Variants in ARB2A observed in about 807,000 individuals in gnomAD.
ARB2A encodes the protein cotranscriptional regulator ARB2A.
the ARB2A span, among the ~76,000 whole-genome samples, chr5:93,903,830 C>T: frequency 6.6e-6 from 1 of 151,790 alleles, no homozygotes; most frequent in Non-Finnish European, 1.5e-5. Flanking sequence ...AATGACTTCA[C>T]ATGAGTTGGT....
chr5:93,734,599 A>C, the ARB2A span: 1 of 152,220 alleles, frequency 6.6e-6, no homozygotes, highest in Non-Finnish European at 1.5e-5. Context: ...AAAATGTTTG[A>C]TAATGAAACA....
At chr5:94,075,941 T>A in the ARB2A span, among the ~76,000 whole-genome samples, 1 of 152,138 alleles carries the variant, frequency 6.6e-6, no homozygotes, top group African/African-American at 2.4e-5. Flanking sequence ...TTATTTAACT[T>A]CTCTGGGCCT....
At chr5:93,776,395 G>T in the ARB2A span, 1 of 543,222 alleles carries the variant, frequency 1.8e-6, no homozygotes, top group Non-Finnish European at 3.2e-6. Context: ...GTAAACAGTC[G>T]GTAATTATTC....
chr5:94,080,188 T>A, the ARB2A span, among the ~76,000 whole-genome samples: 1 of 152,114 alleles, frequency 6.6e-6, no homozygotes, highest in African/African-American at 2.4e-5. Flanking sequence ...AAACAGAGTA[T>A]GTCAAACAAA....
chr5:93,715,988 T>C, the ARB2A span, among the ~76,000 whole-genome samples: 1 of 152,212 alleles, frequency 6.6e-6, no homozygotes, highest in African/African-American at 2.4e-5. Context: ...TTTATAAACA[T>C]GATAGGTAAC....
At chr5:93,621,178 C>CGCGGTGAGG in the ARB2A span, 2 of 1,534,344 alleles carry the variant, frequency 1.3e-6, no homozygotes, top group East Asian at 2.6e-5. Context: ...CGGGGCCAGG[C>CGCGGTGAGG]GCGGTGAGGG....
chr5:93,888,810 A>G, the ARB2A span, among the ~76,000 whole-genome samples: 1 of 151,728 alleles, frequency 6.6e-6, no homozygotes, highest in Non-Finnish European at 1.5e-5. Flanking sequence ...TTGTTTTTTC[A>G]AGAATATATC....
chr5:94,062,277 G>C, the ARB2A span, among the ~76,000 whole-genome samples: 5 of 152,186 alleles, frequency 3.3e-5, no homozygotes, highest in Non-Finnish European at 7.3e-5. Flanking sequence ...AAATGAGGGG[G>C]AGGTGCTTCA....
the ARB2A span, among the ~76,000 whole-genome samples, chr5:94,080,188 T>C: frequency 6.6e-6 from 1 of 152,232 alleles, no homozygotes; most frequent in Non-Finnish European, 1.5e-5. Context: ...AAACAGAGTA[T>C]GTCAAACAAA....
At chr5:93,858,574 C>A in the ARB2A span, among the ~76,000 whole-genome samples, 1 of 152,170 alleles carries the variant, frequency 6.6e-6, no homozygotes, top group Non-Finnish European at 1.5e-5. Flanking sequence ...ATTGGCATAT[C>A]CTGCCATTCG....
the ARB2A span, among the ~76,000 whole-genome samples, chr5:94,012,023 G>C: frequency 1.3e-5 from 2 of 150,598 alleles, no homozygotes; most frequent in Non-Finnish European, 3.0e-5. Context: ...AGACTAGTGT[G>C]ACATGACAGC....
the ARB2A span, among the ~76,000 whole-genome samples, chr5:93,665,242 T>C: frequency 6.6e-6 from 1 of 152,236 alleles, no homozygotes; most frequent in Non-Finnish European, 1.5e-5. Flanking sequence ...GAAATCACAA[T>C]TTACTTCTTT....
At chr5:93,676,382 T>C in the ARB2A span, among the ~76,000 whole-genome samples, 1 of 152,330 alleles carries the variant, frequency 6.6e-6, no homozygotes, top group Admixed American at 6.5e-5. Flanking sequence ...TTTACAAACA[T>C]ATATTAGGGA....
chr5:93,756,829 C>A, the ARB2A span, among the ~76,000 whole-genome samples: 5 of 152,092 alleles, frequency 3.3e-5, no homozygotes, highest in South Asian at 1.0e-3. Context: ...AACACCCCCC[C>A]AAAAAATCAC....
the ARB2A span, among the ~76,000 whole-genome samples, chr5:93,780,809 T>C: frequency 6.6e-6 from 1 of 152,182 alleles, no homozygotes; most frequent in Non-Finnish European, 1.5e-5. Flanking sequence ...TCCACCTGCC[T>C]TGGCCTCCCA....
At chr5:93,759,341 T>C in the ARB2A span, among the ~76,000 whole-genome samples, 1 of 152,164 alleles carries the variant, frequency 6.6e-6, no homozygotes, top group African/African-American at 2.4e-5. Context: ...GTACCAATCC[T>C]TTTGACACTA....
chr5:93,768,725 C>T, the ARB2A span, among the ~76,000 whole-genome samples: 1 of 151,944 alleles, frequency 6.6e-6, no homozygotes, highest in African/African-American at 2.4e-5. Flanking sequence ...GGACTACAGG[C>T]TCACGCCACC....
At chr5:93,623,785 G>C in the ARB2A span, among the ~76,000 whole-genome samples, 2 of 152,080 alleles carry the variant, frequency 1.3e-5, no homozygotes, top group Non-Finnish European at 2.9e-5. Flanking sequence ...TACAGAGAAT[G>C]GGGTGGAAGG....
the ARB2A span, among the ~76,000 whole-genome samples, chr5:94,070,845 CAAAAACCTGTGACAATGAGAAA>C: frequency 6.6e-6 from 1 of 151,854 alleles, no homozygotes; most frequent in East Asian, 1.9e-4. Flanking sequence ...CACATAGAAA[CAAAAACCTGTGACAATGAGAAA>C]AAAAGTCAAC....
Sources: gnomAD v4.1 joint callset for allele counts (sites outside exome capture counted in the v4.1 genomes callset) on GRCh38, gnomAD v4.1.1 for gene constraint, MANE v1.5 for transcripts, NCBI Gene and HGNC (gene_info 2026-07-23, HGNC 2026-07-21) for gene names.